Variants in TBKBP1 observed in about 807,000 individuals in gnomAD.
TBKBP1 encodes the protein TBK1 binding protein 1.
Under a neutral mutation model 69.9 loss-of-function variants are expected in TBKBP1, and 47 were observed. The observed-to-expected ratio is 0.67, with a 90% CI of 0.53 to 0.86. The LOEUF is 0.86. TBKBP1 is among the 40% of genes least tolerant of loss of function. TBKBP1 has a pLI of 0.00. For synonymous variants in TBKBP1, 418 were observed against 390.3 expected (o/e 1.07, Z -0.84); for missense variants, 831 against 858.6 (o/e 0.97, Z 0.40).
intron 7 of TBKBP1, among the ~76,000 whole-genome samples, chr17:47,706,068 GAC>G (rs1446218250): frequency 6.6e-6 from 1 of 152,176 alleles, no homozygotes; most frequent in Non-Finnish European, 1.5e-5. Flanking sequence ...GCAGGGGAGT[GAC>G]AGGGACCTGG....
Position 47,699,441 on chromosome 17 carries a change from C to T in TBKBP1, c.756C>T (p.Ala252=), listed in dbSNP as rs1332319363. 7.6e-6 allele frequency: 12 copies of T among 1,569,468 alleles called. No individual in the cohort carries two copies. The highest frequency in any genetic ancestry group is 3.9e-4 in the Middle Eastern group (2 of 5,080). The change falls in exon 6 of 10, where the codon GCC becomes GCT. Residue 252 remains alanine (A), a synonymous_variant. Coordinates refer to ENST00000578982, the MANE Select transcript of TBKBP1 (RefSeq NM_001394755.1). ...AGCTCCGGGAGGAGCAGCTCCAGGC[C>T]GAGTGCGAGCGGCTGCAGGGGGAGC... is the stretch of plus-strand genomic sequence containing the variant. ...GAQLREEQLQ[A]ECERLQGELK...
chr17:47,708,331 C>T lies in TBKBP1; in HGVS notation c.873-63C>T. 1.3e-6 allele frequency: 2 copies of T among 1,564,454 alleles called. No homozygotes were observed. Among genetic ancestry groups the T allele is most frequent in the Middle Eastern group, 1.7e-4 (1 of 5,958 alleles). The stretch of plus-strand genomic sequence containing the variant: ...GATGCTGGGGTAGAGCCAGTTCTTC[C>T]TCCACAGCTGGGACGGTAGACCCAC... On this transcript the variant is annotated intron_variant, in intron 7 of 9. Transcript: ENST00000578982. The surrounding 1 kb of genome is among the most constrained non-coding windows in gnomAD (Gnocchi z 4.4).
rs752384888 is a variant in TBKBP1 at position 47,696,850 on chromosome 17, G to A, written c.348+17G>A. On this transcript the variant is annotated intron_variant, in intron 3 of 9. Coordinates refer to ENST00000578982, the MANE Select transcript of TBKBP1 (RefSeq NM_001394755.1). ...CAGCATGAGGTGAGCCTACCAGGCTGGGCGCACCCCCTGAGCATCTTGCTC... is the reference window on the plus strand; with the variant it reads ...CAGCATGAGGTGAGCCTACCAGGCTAGGCGCACCCCCTGAGCATCTTGCTC... 6.2e-7 allele frequency: 1 copy of A among 1,612,696 alleles called. No individual in the cohort carries two copies. Among genetic ancestry groups the A allele is most frequent in the South Asian group, 1.1e-5 (1 of 91,034 alleles).
intron 1 of TBKBP1, chr17:47,695,697 T>G (rs1597952533): frequency 1.2e-5 from 2 of 162,090 alleles, no homozygotes; most frequent in Non-Finnish European, 1.3e-5. Context: ...GGCGGCGAGG[T>G]ATTTGGGGAA....
At chr17:47,709,546 G>A in intron 9 of TBKBP1, 94 bp downstream of exon 9, 1 of 1,388,930 alleles carries the variant, frequency 7.2e-7, no homozygotes, top group Non-Finnish European at 9.3e-7. Context: ...TGCCCCTTTC[G>A]GGTGTCAGCG....
At chr17:47,695,526 C>G (rs746829718) in intron 1 of TBKBP1, 1 of 152,608 alleles carries the variant, frequency 6.6e-6, no homozygotes, top group African/African-American at 2.4e-5. Flanking sequence ...CCGGGGGAGG[C>G]GCTTCCTTTT....
intron 1 of TBKBP1, chr17:47,694,760 G>C (rs955016011): frequency 6.6e-6 from 1 of 152,292 alleles, no homozygotes; most frequent in Non-Finnish European, 1.5e-5. Flanking sequence ...GCGGAGCTGG[G>C]GGGAGGGGAT....
chr17:47,706,867 A>ACACGCACG (rs1555623217), intron 7 of TBKBP1, among the ~76,000 whole-genome samples: 4 of 148,802 alleles, frequency 2.7e-5, no homozygotes, highest in African/African-American at 5.1e-5. Context: ...ACACACACAC[A>ACACGCACG]CACGCACACA....
chr17:47,707,728 G>A (rs2031744991), intron 7 of TBKBP1, among the ~76,000 whole-genome samples: 1 of 152,188 alleles, frequency 6.6e-6, no homozygotes, highest in Non-Finnish European at 1.5e-5. Flanking sequence ...AAAGAGCCCA[G>A]AGGCAGCTTT....
In TBKBP1 at chr17:47,699,733, G is replaced by A. The variant is rs368910722; in HGVS notation, c.872+36G>A. The A allele has an allele frequency of 1.9e-5, 30 of 1,613,184 alleles. No homozygotes were observed. In the Admixed American group the frequency reaches 3.7e-4, roughly 20 times the overall value. On this transcript the variant is annotated intron_variant, in intron 7 of 9. Transcript: ENST00000578982. ...TTGGTAACCCTGGTCCCTCCGTGAT[G>A]TTTGGGAGACCTCCCCTCCCAGCCC...
intron 1 of TBKBP1, among the ~76,000 whole-genome samples, chr17:47,695,024 C>T (rs2143237309): frequency 1.3e-5 from 2 of 152,272 alleles, no homozygotes; most frequent in African/African-American, 4.8e-5. Context: ...ACATAACGCT[C>T]CAGCGCGCGC....
chr17:47,696,635 T>C (rs2031253615), intron 2 of TBKBP1, 76 bp from the exon 3 acceptor site: 11 of 1,605,816 alleles, frequency 6.9e-6, no homozygotes, highest in Non-Finnish European at 9.3e-6. Context: ...AGGTTGTGGG[T>C]TGGGGGCACA....
At chr17:47,710,036 C>T (rs2031867715) in intron 9 of TBKBP1, among the ~76,000 whole-genome samples, 1 of 151,208 alleles carries the variant, frequency 6.6e-6, no homozygotes. Flanking sequence ...TCCTGAAAGA[C>T]AGAAGCCTAT....
At chr17:47,703,791 C>A (rs947532389) in intron 7 of TBKBP1, among the ~76,000 whole-genome samples, 2 of 151,480 alleles carry the variant, frequency 1.3e-5, no homozygotes, top group Non-Finnish European at 2.9e-5. Flanking sequence ...GATTTACCTA[C>A]AAAATCTCAT....
rs1381448685 is a variant in TBKBP1, at chr17:47,699,364, CG to C, written c.681del (p.Arg228GlyfsTer2). The C allele has an allele frequency of 6.4e-7, 1 of 1,553,112 alleles. No homozygotes were observed. The highest frequency in any genetic ancestry group is 8.7e-7 in the Non-Finnish European group (1 of 1,155,232). ...STPSVSDLER[R>X]RLEEALEAAQ... Reference sequence around the variant, plus strand: ...ACCCAGTGTGAGTGACCTGGAGCGGCGGCGGCTAGAAGAGGCTTTGGAGGCC... The same window carrying C: ...ACCCAGTGTGAGTGACCTGGAGCGGCGCGGCTAGAAGAGGCTTTGGAGGCC... On this transcript the variant is annotated frameshift_variant, in exon 6 of 10. Transcript: ENST00000578982. LOFTEE classifies it high-confidence loss of function.
chr17:47,709,190 TC>T lies in TBKBP1; in HGVS notation c.1461del (p.Lys488SerfsTer88). 1 of 1,487,550 alleles carries T rather than the reference TC, an allele frequency of 6.7e-7. No homozygotes were observed. The allele number at this position is 1,487,550 out of a possible 1,614,324, so 92.1% of individuals were successfully genotyped here. A position where few individuals can be genotyped will look rare whatever the true frequency, so the allele number is the denominator to read the frequency against. ...PPWLQAEAATLPKPRAYGSEL... is the reference protein window; with the variant it reads ...PPWLQAEAATXPKPRAYGSEL... The stretch of plus-strand genomic sequence containing the variant: ...TGGCTGCAGGCCGAAGCGGCCACTC[TC>T]CCCAAGCCCCGGGCCTACGGCAGCG... On this transcript the variant is annotated frameshift_variant, in exon 9 of 10. Transcript: ENST00000578982. LOFTEE classifies it high-confidence loss of function.
intron 7 of TBKBP1, 126 bp downstream of exon 7, chr17:47,699,823 T>TA: frequency 2.4e-5 from 26 of 1,077,464 alleles, no homozygotes; most frequent in Non-Finnish European, 3.3e-5. Context: ...GAGGTGGGGT[T>TA]CTTTTTTTTT....
At chr17:47,694,101 G>A (rs2031103327), upstream of TBKBP1, 1 of 112,350 alleles carries the variant, frequency 8.9e-6, no homozygotes, top group Admixed American at 8.7e-5. Context: ...GGAGCAGAGC[G>A]CGGTACCAGG....
rs1170697190 is a variant in TBKBP1, at chr17:47,697,949, C to CAAAAA, written c.454-624_454-620dup. 6.5e-4 allele frequency among the ~76,000 whole-genome samples: 24 copies of CAAAAA among 36,952 alleles called. 1 individual carries two copies. Among genetic ancestry groups the CAAAAA allele is most frequent in the East Asian group, 8.0e-4 (1 of 1,256 alleles). The allele number at this position is 36,952 out of a possible 152,430, so 24.2% of individuals were successfully genotyped here. A position where few individuals can be genotyped will look rare whatever the true frequency, so the allele number is the denominator to read the frequency against. On this transcript the variant is annotated intron_variant, in intron 4 of 9. Transcript: ENST00000578982. ...GGGTGACATAGCCAGACCCTGTCTC[C>CAAAAA]AAAAAAAAAAAAAAAAAAAAAAAAA...
Sources: gnomAD v4.1 joint callset for allele counts (sites outside exome capture counted in the v4.1 genomes callset) on GRCh38, gnomAD v4.1.1 for gene constraint, Gnocchi (gnomAD v3.1) non-coding constraint, MANE v1.5 for transcripts, NCBI Gene and HGNC (gene_info 2026-07-23, HGNC 2026-07-21) for gene names.